The following SOCS5 variants were observed in gnomAD, a reference collection of about 807,000 sequenced individuals.
SOCS5 encodes CIS-6.
A neutral mutation model predicts 42.8 loss-of-function variants in SOCS5; 32 were observed. The observed-to-expected ratio is 0.75, with a 90% CI of 0.56 to 1.01. SOCS5 has a LOEUF of 1.01. SOCS5 is among the 50% of genes least tolerant of loss of function. SOCS5 has a pLI of 0.00. For synonymous variants in SOCS5, 283 were observed against 229.6 expected, an observed-to-expected ratio of 1.23 and a Z score of -2.10; for missense variants, 627 against 653.0, an observed-to-expected ratio of 0.96 and a Z score of 0.43.
chr2:46,704,142 A>C (rs1264153114), intron 1 of SOCS5, among the ~76,000 whole-genome samples: 1 of 152,222 alleles, frequency 6.6e-6, no homozygotes, highest in Non-Finnish European at 1.5e-5. Context: ...TTTTTATCAA[A>C]GCTAGTAAGA....
chr2:46,734,523 CCTTA>C (rs1429345386), intron 1 of SOCS5, among the ~76,000 whole-genome samples: 1 of 152,160 alleles, frequency 6.6e-6, no homozygotes, highest in Non-Finnish European at 1.5e-5. Context: ...ATATTTGAAT[CCTTA>C]CTTAATCTAG....
rs1365982623 is a variant in SOCS5 at position 46,762,548 on chromosome 2, A to G, written c.*2407A>G. 6.0e-6 allele frequency: 1 copy of G among 166,432 alleles called. No individual in the cohort carries two copies. 10.3% of individuals were successfully genotyped at this position (166,432 alleles called of 1,614,324 possible). Reference sequence around the variant, plus strand: ...TATGTAAGCATGTATACACTGTGCTAAAAGTCACATGTTTCAGTTTGTGTA... The same window carrying G: ...TATGTAAGCATGTATACACTGTGCTGAAAGTCACATGTTTCAGTTTGTGTA... On this transcript the variant is annotated 3_prime_UTR_variant, in exon 2 of 2. Coordinates refer to ENST00000394861, the MANE Select transcript of SOCS5 (RefSeq NM_144949.3).
intron 1 of SOCS5, among the ~76,000 whole-genome samples, chr2:46,712,563 C>T (rs565101320): frequency 4.6e-5 from 7 of 152,106 alleles, no homozygotes; most frequent in Non-Finnish European, 7.4e-5. Context: ...AGGCTGGTCT[C>T]GAATTCCTGA....
At chr2:46,715,384 AAG>A (rs1408662793) in intron 1 of SOCS5, among the ~76,000 whole-genome samples, 1 of 151,214 alleles carries the variant, frequency 6.6e-6, no homozygotes, top group East Asian at 1.9e-4. Context: ...AAAAAAAAAA[AAG>A]AAAAGAAAAA....
Position 46,758,502 on chromosome 2 carries a change from TGCTG to T in SOCS5, c.-12-16_-12-13del, listed in dbSNP as rs1237793874. 6.6e-7 allele frequency: 1 copy of T among 1,520,832 alleles called. No homozygotes were observed. 94.2% of individuals were successfully genotyped at this position (1,520,832 alleles called of 1,614,324 possible). Reference sequence around the variant, plus strand: ...TTTGATTAATTTATTTTTCTCTTTTTGCTGTTTTGTCTTTAGATTTTATAATCAA... The same window carrying T: ...TTTGATTAATTTATTTTTCTCTTTTTTTTTGTCTTTAGATTTTATAATCAA... On this transcript the variant is annotated splice_polypyrimidine_tract_variant and intron_variant, in intron 1 of 1. Transcript: ENST00000394861.
chr2:46,705,790 C>T (rs180830675), intron 1 of SOCS5, among the ~76,000 whole-genome samples: 13 of 152,300 alleles, frequency 8.5e-5, no homozygotes, highest in East Asian at 7.7e-4. Flanking sequence ...ATTTAAAAGA[C>T]GGACTGGCAG....
chr2:46,735,462 G>T (rs1346198749), intron 1 of SOCS5, among the ~76,000 whole-genome samples: 1 of 152,132 alleles, frequency 6.6e-6, no homozygotes, highest in Non-Finnish European at 1.5e-5. Flanking sequence ...AAAGAGAACA[G>T]GTATGGGGAC....
rs114271527 is a variant in SOCS5 at position 46,709,948 on chromosome 2, G to T, written c.-13+10499G>T. Among the ~76,000 whole-genome samples the T allele has an allele frequency of 7.7e-3, 1,170 of 152,104 alleles. 25 individuals are homozygous for T. Among genetic ancestry groups the T allele is most frequent in the African/African-American group, 0.027 (1,112 of 41,492 alleles). On this transcript the variant is annotated intron_variant, in intron 1 of 1. Coordinates refer to ENST00000394861, the MANE Select transcript of SOCS5 (RefSeq NM_144949.3). ...ACTTTCCTAGACATGAGAATTACCT[G>T]GGGCTCTTTTTTAAAATACAGATTT...
At chr2:46,752,748 G>A (rs1379855224) in intron 1 of SOCS5, among the ~76,000 whole-genome samples, 4 of 152,104 alleles carry the variant, frequency 2.6e-5, no homozygotes, top group Non-Finnish European at 5.9e-5. Flanking sequence ...AGCCACAACA[G>A]CAACATTTTA....
intron 1 of SOCS5, among the ~76,000 whole-genome samples, chr2:46,730,379 T>A (rs1356404620): frequency 6.6e-6 from 1 of 152,132 alleles, no homozygotes; most frequent in Non-Finnish European, 1.5e-5. Context: ...GGCGGGCGGA[T>A]TGCTTGAGGC....
In SOCS5 at chr2:46,759,947, A is replaced by C; in HGVS notation, c.1417A>C (p.Thr473Pro). 2 of 1,614,150 alleles carry C rather than the reference A, an allele frequency of 1.2e-6. No homozygotes were observed. The highest frequency in any genetic ancestry group is 1.7e-6 in the Non-Finnish European group (2 of 1,179,994). ...SSCMFFEPLL[T>P]ISLNRTFPFS... The stretch of plus-strand genomic sequence containing the variant: ...GTGCATGTTTTTTGAACCATTGCTT[A>C]CTATATCACTAAATAGGACTTTCCC... The change falls in exon 2 of 2, where the codon ACT becomes CCT. Residue 473 changes from threonine (T) to proline (P), a missense_variant. This residue lies in a region of SOCS5 where 340 missense variants were observed against 367.6 expected (regional missense o/e 0.92). Transcript: ENST00000394861.
chr2:46,744,728 A>G (rs1412104883), intron 1 of SOCS5, among the ~76,000 whole-genome samples: 1 of 151,602 alleles, frequency 6.6e-6, no homozygotes, highest in Non-Finnish European at 1.5e-5. Flanking sequence ...GGGTTTTACC[A>G]TGTTAGCCAG....
chr2:46,751,985 C>A (rs969183164), intron 1 of SOCS5, among the ~76,000 whole-genome samples: 1 of 152,166 alleles, frequency 6.6e-6, no homozygotes, highest in Admixed American at 6.5e-5. Context: ...TGGCATGCAG[C>A]TATGCTTATT....
chr2:46,703,853 G>C (rs994986180), intron 1 of SOCS5, among the ~76,000 whole-genome samples: 3 of 152,158 alleles, frequency 2.0e-5, no homozygotes, highest in Non-Finnish European at 4.4e-5. Flanking sequence ...CAAGGGGAGT[G>C]GGGAGGGCTT....
At chr2:46,719,794 G>A (rs1188846607) in intron 1 of SOCS5, among the ~76,000 whole-genome samples, 1 of 152,096 alleles carries the variant, frequency 6.6e-6, no homozygotes, top group Non-Finnish European at 1.5e-5. Flanking sequence ...GTGTCCTTCA[G>A]GGAAGCATCA....
At chr2:46,712,957 A>C (rs1211262542) in intron 1 of SOCS5, among the ~76,000 whole-genome samples, 1 of 152,170 alleles carries the variant, frequency 6.6e-6, no homozygotes. Flanking sequence ...GTTTGGATAA[A>C]ATTGATGTTC....
chr2:46,756,597 G>T (rs958556396), intron 1 of SOCS5, among the ~76,000 whole-genome samples: 1 of 152,132 alleles, frequency 6.6e-6, no homozygotes, highest in Non-Finnish European at 1.5e-5. Flanking sequence ...CCACATGGTG[G>T]GTGGTGCTGT....
At chr2:46,730,689 T>C (rs1417926273) in intron 1 of SOCS5, among the ~76,000 whole-genome samples, 1 of 152,210 alleles carries the variant, frequency 6.6e-6, no homozygotes, top group East Asian at 1.9e-4. Flanking sequence ...TAAATTTAAT[T>C]TGCATATTCC....
intron 1 of SOCS5, among the ~76,000 whole-genome samples, chr2:46,727,535 A>C (rs1211328258): frequency 6.6e-6 from 1 of 152,102 alleles, no homozygotes; most frequent in Non-Finnish European, 1.5e-5. Context: ...TCAACCTTCA[A>C]GTTGCAGCCA....
Sources: allele counts gnomAD v4.1 joint callset (sites outside exome capture counted in the v4.1 genomes callset), GRCh38; gene constraint gnomAD v4.1.1; regional missense constraint gnomAD v4.1.1; transcripts MANE v1.5; gene names NCBI Gene and HGNC (gene_info 2026-07-23, HGNC 2026-07-21).